MMS22L: variants seen among roughly 807,000 people sequenced by gnomAD.
MMS22L encodes the protein protein MMS22-like.
A neutral mutation model predicts 159.1 loss-of-function variants in MMS22L; 74 were observed. The observed-to-expected ratio is 0.47, with a 90% confidence interval of 0.39 to 0.56. The LOEUF (loss-of-function observed/expected upper bound fraction) is 0.56, where lower values mean the gene tolerates loss of function less well. Among genes scored for constraint, MMS22L ranks in the 20% least tolerant of loss-of-function variants. The pLI, the probability that MMS22L is intolerant of heterozygous loss-of-function variation, is 0.00. For synonymous variants in MMS22L, 517 were observed against 506.9 expected (o/e 1.02, Z -0.27); for missense variants, 1,351 against 1,422.1 (o/e 0.95, Z 0.80).
chr6:97,192,163 TAGAC>T (rs1805939943), intron 14 of MMS22L, among the ~76,000 whole-genome samples: 1 of 137,412 alleles, frequency 7.3e-6, no homozygotes, highest in African/African-American at 2.9e-5. Flanking sequence ...AAGTAGGTGG[TAGAC>T]GGATGGATGG....
At chr6:97,171,109 C>G (rs1057242153) in intron 19 of MMS22L, among the ~76,000 whole-genome samples, 3 of 152,178 alleles carry the variant, frequency 2.0e-5, no homozygotes, top group Non-Finnish European at 4.4e-5. Flanking sequence ...ATAGTATACA[C>G]TATCTCCTAC....
chr6:97,151,813 C>A lies in MMS22L; in HGVS notation c.3440G>T (p.Gly1147Val), dbSNP rs757190681. 6.2e-7 allele frequency: 1 copy of A among 1,613,446 alleles called. No homozygotes were observed. Among genetic ancestry groups the A allele is most frequent in the Non-Finnish European group, 8.5e-7 (1 of 1,179,638 alleles). The change falls in exon 23 of 25, where the codon GGG (glycine) becomes GTG (valine). Residue 1147 changes from glycine to valine, a missense_variant. By Grantham distance (109) the Gly-to-Val change is moderately radical. Transcript: ENST00000683635. ...LQYMVKACQVGSEEEPSSQLT... is the reference protein window; with the variant it reads ...LQYMVKACQVVSEEEPSSQLT... ...CTGGGAGGAAGGTTCTTCTTCTGAC[C>A]CCACTTGGCAGGCTTTTACCATGTA...
intron 9 of MMS22L, among the ~76,000 whole-genome samples, chr6:97,257,238 T>A (rs1813911206): frequency 6.6e-6 from 1 of 152,226 alleles, no homozygotes; most frequent in Non-Finnish European, 1.5e-5. Context: ...CACTCTTTCA[T>A]GTTTTCCATC....
intron 17 of MMS22L, among the ~76,000 whole-genome samples, chr6:97,179,158 GCTT>G (rs913236465): frequency 1.3e-5 from 2 of 151,854 alleles, no homozygotes; most frequent in African/African-American, 4.8e-5. Context: ...TCTGTCCTTG[GCTT>G]CCAAGGAAAC....
At chr6:97,159,131 A>ATT (rs140191756) in intron 22 of MMS22L, among the ~76,000 whole-genome samples, 9,862 of 144,390 alleles carry the variant, frequency 0.068, 527 homozygotes, top group African/African-American at 0.15. Flanking sequence ...GCAACCCCTG[A>ATT]TTTTTTTTTT....
At chr6:97,249,037 T>C (rs562919655) in intron 10 of MMS22L, among the ~76,000 whole-genome samples, 1 of 7,030 alleles carries the variant, frequency 1.4e-4, no homozygotes, top group Non-Finnish European at 4.9e-4. Context: ...GCTTAGGGCC[T>C]GGTCACACCC....
chr6:97,160,766 A>T (rs890157618), intron 22 of MMS22L, among the ~76,000 whole-genome samples: 4 of 151,828 alleles, frequency 2.6e-5, no homozygotes, highest in African/African-American at 9.7e-5. Context: ...CACATTTCTC[A>T]ACAGCTCTGT....
At chr6:97,164,695 C>T (rs1161219660) in intron 21 of MMS22L, among the ~76,000 whole-genome samples, 1 of 152,040 alleles carries the variant, frequency 6.6e-6, no homozygotes, top group African/African-American at 2.4e-5. Context: ...CAGCTTACTG[C>T]AACCTCTGCC....
intron 14 of MMS22L, among the ~76,000 whole-genome samples, chr6:97,209,250 G>T (rs765939321): frequency 6.6e-6 from 1 of 151,794 alleles, no homozygotes; most frequent in African/African-American, 2.4e-5. Flanking sequence ...ATTTCCCCAA[G>T]AACAGAATCT....
chr6:97,151,727 G>T, intron 23 of MMS22L, 44 bp downstream of exon 23: 1 of 1,452,422 alleles, frequency 6.9e-7, no homozygotes, highest in South Asian at 1.1e-5. Flanking sequence ...GCTGTCAAAT[G>T]GCTGGCAATA....
rs187884270 is a variant in MMS22L, at chr6:97,195,504, T to C, written c.2040-8814A>G. The stretch of plus-strand genomic sequence containing the variant: ...CACTTTGATTATAATAGAGAATTTT[T>C]ATAGTAGCATTGGAAGGCAATAAAT... On this transcript the variant is annotated intron_variant, in intron 14 of 24. Coordinates refer to ENST00000683635, the MANE Select transcript of MMS22L (RefSeq NM_001350599.2). Among the ~76,000 whole-genome samples, 83 of 152,324 alleles carry C rather than the reference T, an allele frequency of 5.4e-4. No individual in the cohort carries two copies. The East Asian group carries it at 0.014, about 25-fold the overall frequency.
Position 97,281,415 on chromosome 6 carries a change from C to T in MMS22L, c.165-53G>A, listed in dbSNP as rs1474983579. 10 of 1,411,778 alleles carry T rather than the reference C, an allele frequency of 7.1e-6. No homozygotes were observed. The South Asian group carries it at 7.9e-5, about 11-fold the overall frequency. 87.5% of individuals were successfully genotyped at this position (1,411,778 alleles called of 1,614,324 possible). ...AAAAAGTATACTAAGTACCATAATACGACGGCTCTTTTCTTTACATTATTT... is the reference window on the plus strand; with the variant it reads ...AAAAAGTATACTAAGTACCATAATATGACGGCTCTTTTCTTTACATTATTT... On this transcript the variant is annotated intron_variant, in intron 2 of 24. Coordinates refer to ENST00000683635, the MANE Select transcript of MMS22L (RefSeq NM_001350599.2).
chr6:97,210,286 T>C lies in MMS22L; in HGVS notation c.2039+18608A>G, dbSNP rs371490033. ...AAAAAGTGCTTAATATGCAAGATAA[T>C]AAGTGAACAGAATCAGGTATCAATT... is the stretch of plus-strand genomic sequence containing the variant. On this transcript the variant is annotated intron_variant, in intron 14 of 24. Coordinates refer to ENST00000683635, the MANE Select transcript of MMS22L (RefSeq NM_001350599.2). Among the ~76,000 whole-genome samples, 4 of 152,094 alleles carry C rather than the reference T, an allele frequency of 2.6e-5. No individual in the cohort carries two copies. In the East Asian group the frequency reaches 7.7e-4, roughly 29 times the overall value.
At chr6:97,254,504 T>C (rs1302852612) in intron 10 of MMS22L, 53 bp downstream of exon 10, 1 of 1,430,500 alleles carries the variant, frequency 7.0e-7, no homozygotes, top group East Asian at 2.5e-5. Context: ...TTTGTCCAAA[T>C]AATTACATAT....
At chr6:97,156,540 A>G (rs538465545) in intron 22 of MMS22L, among the ~76,000 whole-genome samples, 1 of 152,318 alleles carries the variant, frequency 6.6e-6, no homozygotes, top group South Asian at 2.1e-4. Context: ...GAATATGGCT[A>G]GCCAGTTTTC....
intron 14 of MMS22L, among the ~76,000 whole-genome samples, chr6:97,215,453 C>G (rs1419122662): frequency 1.3e-5 from 2 of 152,154 alleles, no homozygotes; most frequent in Admixed American, 6.6e-5. Context: ...TTGCTGGCAG[C>G]AGCCGGTAGC....
intron 15 of MMS22L, among the ~76,000 whole-genome samples, chr6:97,182,679 G>A (rs1013773748): frequency 6.6e-6 from 1 of 152,154 alleles, no homozygotes; most frequent in African/African-American, 2.4e-5. Flanking sequence ...GAACTCCTAT[G>A]CAGCTTTCTG....
chr6:97,151,957 T>C, intron 22 of MMS22L, 90 bp from the exon 23 acceptor site: 3 of 949,454 alleles, frequency 3.2e-6, no homozygotes, highest in South Asian at 3.1e-5. Context: ...TAGAAAAATA[T>C]GTTGTTTTCT....
At chr6:97,184,174 A>T (rs1053592761) in intron 15 of MMS22L, among the ~76,000 whole-genome samples, 4 of 151,964 alleles carry the variant, frequency 2.6e-5, no homozygotes, top group Non-Finnish European at 4.4e-5. Context: ...TGAGCTGTTG[A>T]TCACTTTCCT....
Sources: allele counts gnomAD v4.1 joint callset (sites outside exome capture counted in the v4.1 genomes callset), GRCh38; gene constraint gnomAD v4.1.1; transcripts MANE v1.5; gene names NCBI Gene and HGNC (gene_info 2026-07-23, HGNC 2026-07-21).